C2CD2: variants seen among roughly 807,000 people sequenced by gnomAD.
C2CD2 encodes C2 domain-containing protein 2.
A neutral mutation model predicts 74.3 loss-of-function variants in C2CD2; 43 were observed. The observed-to-expected ratio is 0.58, with a 90% confidence interval of 0.45 to 0.75. C2CD2 has a LOEUF of 0.75. Ranked by LOEUF, C2CD2 falls within the 30% of genes least tolerant of loss-of-function variation. The pLI, the probability that C2CD2 is intolerant of heterozygous loss-of-function variation, is 0.00. For missense variants in C2CD2, 801 were observed against 916.3 expected (o/e 0.87, Z 1.63); for synonymous variants, 422 against 390.7 (o/e 1.08, Z -0.94).
At chr21:41,916,664 TACACACACAC>T (rs10580778) in intron 5 of C2CD2, among the ~76,000 whole-genome samples, 5,661 of 144,654 alleles carry the variant, frequency 0.039, 290 homozygotes, top group African/African-American at 0.12. Context: ...GTGAGCTGAT[TACACACACAC>T]ACACACACAC....
intron 13 of C2CD2, among the ~76,000 whole-genome samples, chr21:41,898,419 C>T (rs2064849560): frequency 6.6e-6 from 1 of 152,220 alleles, no homozygotes; most frequent in Non-Finnish European, 1.5e-5. Flanking sequence ...ATTCAGGTTA[C>T]TCATGCCAAG....
chr21:41,899,098 T>G lies in C2CD2; in HGVS notation c.1825A>C (p.Ser609Arg). 1 of 1,613,992 alleles carries G rather than the reference T, an allele frequency of 6.2e-7. No individual in the cohort carries two copies. ...CCCGGCTCCAAGACACTCATGGAGCTCTCTGACAGCTCATCACCGTCGGGG... is the reference window on the plus strand; with the variant it reads ...CCCGGCTCCAAGACACTCATGGAGCGCTCTGACAGCTCATCACCGTCGGGG... ...LDPDGDELSESSMSVLEPGTA... is the reference protein window; with the variant it reads ...LDPDGDELSERSMSVLEPGTA... Residue 609 changes from serine (S) to arginine (R), a missense_variant, in exon 13 of 14, where the codon AGC becomes CGC. Transcript: ENST00000380486. This position sits in a 1 kb window ranked among gnomAD's most constrained non-coding sequence, Gnocchi z 4.4.
intron 11 of C2CD2, among the ~76,000 whole-genome samples, chr21:41,902,876 G>C (rs1016947335): frequency 8.5e-5 from 13 of 152,144 alleles, no homozygotes; most frequent in African/African-American, 3.1e-4. Flanking sequence ...CCCCATCCGA[G>C]TGAATGCTAA....
intron 1 of C2CD2, among the ~76,000 whole-genome samples, chr21:41,947,123 T>TCTCTCC (rs2065405304): frequency 1.0e-5 from 1 of 95,488 alleles, no homozygotes; most frequent in Non-Finnish European, 2.2e-5. Flanking sequence ...TCTCTCTCTC[T>TCTCTCC]CTCTCTCTCT....
intron 2 of C2CD2, among the ~76,000 whole-genome samples, chr21:41,927,252 G>A (rs758865707): frequency 2.6e-5 from 4 of 152,118 alleles, no homozygotes; most frequent in African/African-American, 4.8e-5. Flanking sequence ...TGCAGCCTCC[G>A]CCTCCTGGGT....
chr21:41,901,769 G>A lies in C2CD2; in HGVS notation c.1433-20C>T, dbSNP rs1210797392. 1.2e-6 allele frequency: 2 copies of A among 1,611,510 alleles called. No homozygotes were observed. The highest frequency in any genetic ancestry group is 2.2e-5 in the East Asian group (1 of 44,880). Reference sequence around the variant, plus strand: ...ACAATTCTACCAGAAGGAAGGCAGTGTTAAGTTCATCAGCAAAAATTAAAG... The same window carrying A: ...ACAATTCTACCAGAAGGAAGGCAGTATTAAGTTCATCAGCAAAAATTAAAG... On this transcript the variant is annotated intron_variant, in intron 11 of 13. Transcript: ENST00000380486.
At position 41,899,369 on chromosome 21, in the gene C2CD2, G is replaced by C. The variant is rs747503616; in HGVS notation, c.1561-7C>G. The C allele has an allele frequency of 6.2e-7, 1 of 1,601,786 alleles. No homozygotes were observed. Among genetic ancestry groups the C allele is most frequent in the Non-Finnish European group, 8.5e-7 (1 of 1,179,610 alleles). ...GGTCCTGAGATAGTGAGGTCTGTCAGGGGCAGTGGGGAAGATGACAAGGGA... is the reference window on the plus strand; with the variant it reads ...GGTCCTGAGATAGTGAGGTCTGTCACGGGCAGTGGGGAAGATGACAAGGGA... On this transcript the variant is annotated splice_region_variant and splice_polypyrimidine_tract_variant and intron_variant, in intron 12 of 13. Coordinates refer to ENST00000380486, the MANE Select transcript of C2CD2 (RefSeq NM_015500.2). The surrounding 1 kb of genome is among the most constrained non-coding windows in gnomAD (Gnocchi z 4.4).
chr21:41,924,251 C>T lies in C2CD2; in HGVS notation c.379-2166G>A, dbSNP rs1241195506. ...TCCTGGCCGCAGCCAAGCCCTGGGT[C>T]CAGCTCTTCCCACCAGTGGCCCATC... On this transcript the variant is annotated intron_variant, in intron 2 of 13. Transcript: ENST00000380486. The surrounding 1 kb of genome is among the most constrained non-coding windows in gnomAD (Gnocchi z 4.4). Among the ~76,000 whole-genome samples the T allele has an allele frequency of 6.6e-6, 1 of 152,204 alleles. No individual in the cohort carries two copies. Among genetic ancestry groups the T allele is most frequent in the Admixed American group, 6.5e-5 (1 of 15,278 alleles).
chr21:41,938,742 CTTTT>C (rs58050288), intron 2 of C2CD2, among the ~76,000 whole-genome samples: 3 of 139,048 alleles, frequency 2.2e-5, no homozygotes, highest in Admixed American at 7.2e-5. Context: ...CTTGCTTTCT[CTTTT>C]TTTTTTTTTT....
At chr21:41,925,728 C>T (rs1012156464) in intron 2 of C2CD2, among the ~76,000 whole-genome samples, 8 of 152,266 alleles carry the variant, frequency 5.3e-5, no homozygotes, top group South Asian at 2.1e-4. Flanking sequence ...GTGGCAGGGC[C>T]CCCACGGGCT....
intron 7 of C2CD2, among the ~76,000 whole-genome samples, chr21:41,909,791 G>C (rs1462958051): frequency 6.6e-6 from 1 of 152,150 alleles, no homozygotes; most frequent in Non-Finnish European, 1.5e-5. Context: ...AAATGCGGTA[G>C]GCACGGAGCA....
Position 41,907,169 on chromosome 21 carries a change from G to A in C2CD2, c.1144-3C>T, listed in dbSNP as rs761711177. ...TCACCAGGTTCCATGTAAGAGAACT[G>A]CAGAGAAGACGCGTTACTTGTTTCT... On this transcript the variant is annotated splice_region_variant and splice_polypyrimidine_tract_variant and intron_variant, in intron 9 of 13. Coordinates refer to ENST00000380486, the MANE Select transcript of C2CD2 (RefSeq NM_015500.2). 9.3e-6 allele frequency: 15 copies of A among 1,613,406 alleles called. No individual in the cohort carries two copies. The African/African-American group carries it at 1.9e-4, about 20-fold the overall frequency.
Position 41,886,551 on chromosome 21 carries a change from T to C in C2CD2, c.*2573A>G, listed in dbSNP as rs944009919. On this transcript the variant is annotated 3_prime_UTR_variant, in exon 14 of 14. Coordinates refer to ENST00000380486, the MANE Select transcript of C2CD2 (RefSeq NM_015500.2). ...TTTTCTGTAACTTCAGAAAAGGCCATTGGATGGAGACAACGTGTGCGTGTC... is the reference window on the plus strand; with the variant it reads ...TTTTCTGTAACTTCAGAAAAGGCCACTGGATGGAGACAACGTGTGCGTGTC... 5 of 152,194 alleles carry C rather than the reference T, an allele frequency of 3.3e-5. No individual in the cohort carries two copies. Among genetic ancestry groups the C allele is most frequent in the African/African-American group, 9.6e-5 (4 of 41,456 alleles). The allele number at this position is 152,194 out of a possible 1,614,324, so 9.4% of individuals were successfully genotyped here.
chr21:41,902,894 G>A (rs1026270381), intron 11 of C2CD2, among the ~76,000 whole-genome samples: 2 of 152,080 alleles, frequency 1.3e-5, no homozygotes, highest in Non-Finnish European at 1.5e-5. Flanking sequence ...TAATGAGGAC[G>A]GGCACTGGAT....
intron 13 of C2CD2, chr21:41,894,632 C>G: frequency 2.2e-6 from 1 of 455,806 alleles, no homozygotes. Flanking sequence ...TGCAAGGACT[C>G]GGGCGGGATT....
chr21:41,914,838 C>T, intron 5 of C2CD2, 117 bp from the exon 6 acceptor site: 1 of 813,408 alleles, frequency 1.2e-6, no homozygotes, highest in Non-Finnish European at 1.9e-6. Context: ...ACAGGAAAAC[C>T]TGCACAGGGA....
At chr21:41,907,245 G>C (rs2064974056) in intron 9 of C2CD2, 79 bp from the exon 10 acceptor site, 1 of 1,087,842 alleles carries the variant, frequency 9.2e-7, no homozygotes, top group African/African-American at 1.6e-5. Flanking sequence ...CTGCCTTCTT[G>C]TGAAATAACC....
intron 3 of C2CD2, 92 bp from the exon 4 acceptor site, chr21:41,919,052 G>A: frequency 2.3e-6 from 2 of 851,938 alleles, no homozygotes; most frequent in Admixed American, 3.8e-5. Context: ...GCATGTGTGT[G>A]TGCATATATG....
rs1480257287 is a variant in C2CD2, at chr21:41,903,315, T to C, written c.1433-1566A>G. 6.6e-6 allele frequency among the ~76,000 whole-genome samples: 1 copy of C among 152,158 alleles called. No individual in the cohort carries two copies. The highest frequency in any genetic ancestry group is 1.5e-5 in the Non-Finnish European group (1 of 68,028). On this transcript the variant is annotated intron_variant, in intron 11 of 13. Transcript: ENST00000380486. The surrounding 1 kb of genome is among the most constrained non-coding windows in gnomAD (Gnocchi z 4.5). ...AGTGTGTCATGGAAACCCCAATTTG[T>C]AGCCAAGTGGGACAAAAGTGTGGTA...
Sources: gnomAD v4.1 joint callset for allele counts (sites outside exome capture counted in the v4.1 genomes callset) on GRCh38, gnomAD v4.1.1 for gene constraint, Gnocchi (gnomAD v3.1) non-coding constraint, MANE v1.5 for transcripts, NCBI Gene and HGNC (gene_info 2026-07-23, HGNC 2026-07-21) for gene names.